DLG2: variants seen among roughly 807,000 people sequenced by gnomAD.
DLG2 encodes disks large homolog 2.
In DLG2, 45 loss-of-function variants were observed where a neutral mutation model predicts 132.5. That is an observed-to-expected ratio of 0.34 (90% CI 0.27 to 0.44). The LOEUF (loss-of-function observed/expected upper bound fraction) is 0.44, where lower values mean the gene tolerates loss of function less well. Ranked by LOEUF, DLG2 falls within the 20% of genes least tolerant of loss-of-function variation. DLG2 has a pLI of 1.00. For missense variants in DLG2, 1,045 were observed against 1,196.9 expected, an observed-to-expected ratio of 0.87 and a Z score of 1.87; for synonymous variants, 424 against 419.6, an observed-to-expected ratio of 1.01 and a Z score of -0.13.
At chr11:84,724,090 G>C (rs1269195881) in intron 6 of DLG2, among the ~76,000 whole-genome samples, 1 of 152,002 alleles carries the variant, frequency 6.6e-6, no homozygotes, top group South Asian at 2.1e-4. Context: ...CATGTTGCGA[G>C]GGAAAAGAAT....
At chr11:84,458,220 C>G (rs2099070591) in intron 7 of DLG2, among the ~76,000 whole-genome samples, 1 of 150,778 alleles carries the variant, frequency 6.6e-6, no homozygotes, top group South Asian at 2.1e-4. Context: ...CTATTACAAA[C>G]AATACTGTGA....
chr11:85,277,057 A>C (rs1228438534), intron 4 of DLG2, among the ~76,000 whole-genome samples: 4 of 152,202 alleles, frequency 2.6e-5, no homozygotes, highest in Non-Finnish European at 5.9e-5. Flanking sequence ...AACAAAGGGA[A>C]AAATATTCCA....
intron 7 of DLG2, chr11:84,317,478 G>A (rs2098372763): frequency 1.6e-6 from 1 of 606,794 alleles, no homozygotes; most frequent in African/African-American, 1.9e-5. Flanking sequence ...TTTTTGGATG[G>A]AGCCCTACAG....
intron 21 of DLG2, among the ~76,000 whole-genome samples, chr11:83,495,189 G>C (rs577951716): frequency 6.6e-6 from 1 of 152,244 alleles, no homozygotes; most frequent in African/African-American, 2.4e-5. Context: ...AGTGGGCAGG[G>C]TCTATGTGGA....
Position 83,541,531 on chromosome 11 carries a change from C to T in DLG2, c.2117+151G>A, listed in dbSNP as rs1047784778. The T allele has an allele frequency of 4.3e-6, 3 of 703,830 alleles. No individual in the cohort carries two copies. The African/African-American group carries it at 5.5e-5, about 13-fold the overall frequency. 43.6% of individuals were successfully genotyped at this position (703,830 alleles called of 1,614,324 possible). ...GAAAAAGAGGATTTTTAATTCATGT[C>T]ACCTGTCACCACTGACAATTTTCCT... On this transcript the variant is annotated intron_variant, in intron 20 of 27. Coordinates refer to ENST00000376104, the MANE Select transcript of DLG2 (RefSeq NM_001142699.3).
intron 16 of DLG2, among the ~76,000 whole-genome samples, chr11:83,844,159 C>G (rs1367919881): frequency 6.6e-6 from 1 of 151,866 alleles, no homozygotes; most frequent in African/African-American, 2.4e-5. Flanking sequence ...AGGCTACACC[C>G]CAAACAAAAG....
intron 9 of DLG2, among the ~76,000 whole-genome samples, chr11:84,126,271 C>T (rs530838288): frequency 5.3e-5 from 8 of 151,866 alleles, no homozygotes; most frequent in Admixed American, 1.3e-4. Context: ...TTTATGTTAG[C>T]GAAGAACTGA....
At chr11:84,278,673 A>G (rs1305813595) in intron 7 of DLG2, among the ~76,000 whole-genome samples, 1 of 152,342 alleles carries the variant, frequency 6.6e-6, no homozygotes, top group Admixed American at 6.5e-5. Flanking sequence ...AAATTGGTTT[A>G]ACATTTACAA....
intron 6 of DLG2, among the ~76,000 whole-genome samples, chr11:84,543,650 C>A (rs746087676): frequency 2.6e-5 from 4 of 152,060 alleles, no homozygotes; most frequent in Non-Finnish European, 5.9e-5. Flanking sequence ...GCAGCCAGAT[C>A]TATCTTCAAA....
intron 3 of DLG2, among the ~76,000 whole-genome samples, chr11:85,564,983 A>G (rs2077449750): frequency 6.6e-6 from 1 of 151,992 alleles, no homozygotes; most frequent in African/African-American, 2.4e-5. Context: ...TAAATATTTC[A>G]TATTTTGATG....
intron 3 of DLG2, among the ~76,000 whole-genome samples, chr11:85,494,930 C>G (rs1447721161): frequency 6.6e-6 from 1 of 151,696 alleles, no homozygotes; most frequent in African/African-American, 2.4e-5. Flanking sequence ...CTAAATGAGA[C>G]ATTTATCCCA....
rs1357178861 is a variant in DLG2, at chr11:84,213,260, C to A, written c.573+37978G>T. ...ACCCTTTGTAGTCATCTCATTATAT[C>A]ACTTTTCTCATTTTCATTAGTTATC... On this transcript the variant is annotated intron_variant, in intron 8 of 27. Transcript: ENST00000376104. 2.6e-5 allele frequency among the ~76,000 whole-genome samples: 4 copies of A among 152,248 alleles called. No homozygotes were observed. In the East Asian group the frequency reaches 7.8e-4, roughly 30 times the overall value.
intron 7 of DLG2, among the ~76,000 whole-genome samples, chr11:84,266,253 G>T (rs1007418036): frequency 6.6e-6 from 1 of 152,174 alleles, no homozygotes; most frequent in Admixed American, 6.5e-5. Context: ...CACAAGTGAG[G>T]AAGATATAAA....
intron 16 of DLG2, among the ~76,000 whole-genome samples, chr11:83,853,773 T>C (rs527579302): frequency 2.4e-4 from 36 of 152,178 alleles, no homozygotes; most frequent in Middle Eastern, 3.4e-3. Context: ...GCTAATATCA[T>C]GCCTAATGGT....
At chr11:84,601,501 A>G (rs1056778585) in intron 6 of DLG2, among the ~76,000 whole-genome samples, 1 of 152,100 alleles carries the variant, frequency 6.6e-6, no homozygotes, top group African/African-American at 2.4e-5. Flanking sequence ...GCAATTTTGC[A>G]TAAATATGTT....
intron 3 of DLG2, among the ~76,000 whole-genome samples, chr11:85,356,825 T>C (rs925613617): frequency 7.1e-5 from 9 of 125,944 alleles, no homozygotes; most frequent in African/African-American, 2.7e-4. Context: ...GATAGATAGA[T>C]AGAGATGATA....
chr11:84,410,974 T>G (rs370839742), intron 7 of DLG2, among the ~76,000 whole-genome samples: 67 of 152,312 alleles, frequency 4.4e-4, no homozygotes, highest in South Asian at 2.1e-3. Context: ...ATTTTCCTGT[T>G]CATTGTGCTT....
intron 6 of DLG2, among the ~76,000 whole-genome samples, chr11:84,539,657 T>C (rs2099363414): frequency 6.6e-6 from 1 of 152,178 alleles, no homozygotes; most frequent in Admixed American, 6.5e-5. Context: ...TTGGGCAGTA[T>C]GGCCATTTTC....
intron 21 of DLG2, among the ~76,000 whole-genome samples, chr11:83,496,190 A>T (rs1467024376): frequency 6.7e-6 from 1 of 150,280 alleles, no homozygotes; most frequent in Non-Finnish European, 1.5e-5. Flanking sequence ...CATAAGATAT[A>T]TATATATATA....
Sources: gnomAD v4.1 joint callset for allele counts (sites outside exome capture counted in the v4.1 genomes callset) on GRCh38, gnomAD v4.1.1 for gene constraint, MANE v1.5 for transcripts, NCBI Gene and HGNC (gene_info 2026-07-23, HGNC 2026-07-21) for gene names.